The following NUP188 variants were observed in gnomAD, a reference collection of about 807,000 sequenced individuals.
The protein encoded by NUP188 is nucleoporin 188.
Under a neutral mutation model 223.0 loss-of-function variants are expected in NUP188, and 97 were observed. The ratio of observed to expected loss-of-function variants is 0.43; its 90% CI spans 0.37 to 0.51. The LOEUF (loss-of-function observed/expected upper bound fraction) is 0.51, where lower values mean the gene tolerates loss of function less well. NUP188 is among the 20% of genes least tolerant of loss of function. NUP188 has a pLI of 0.00. For synonymous variants in NUP188, 869 were observed against 828.0 expected (o/e 1.05, Z -0.85); for missense variants, 1,947 against 2,175.6 (o/e 0.89, Z 2.09).
chr9:128,996,205 A>T (rs1191153295), intron 30 of NUP188, among the ~76,000 whole-genome samples: 1 of 150,348 alleles, frequency 6.7e-6, no homozygotes, highest in African/African-American at 2.5e-5. Flanking sequence ...GCTGGAATGC[A>T]GTGGTGCGAT....
intron 12 of NUP188, among the ~76,000 whole-genome samples, chr9:128,974,774 T>TC (rs1482714791): frequency 4.3e-5 from 5 of 116,218 alleles, no homozygotes; most frequent in East Asian, 3.4e-4. Flanking sequence ...ACATTGTCTC[T>TC]TTTTTTTTTT....
chr9:129,005,967 A>C, intron 41 of NUP188, 83 bp from the exon 42 acceptor site: 1 of 1,484,522 alleles, frequency 6.7e-7, no homozygotes, highest in Non-Finnish European at 9.3e-7. Context: ...AAATTTGCTT[A>C]GTGCAGGACA....
intron 12 of NUP188, 93 bp downstream of exon 12, chr9:128,973,342 C>T (rs976626991): frequency 8.8e-6 from 7 of 797,588 alleles, no homozygotes; most frequent in Middle Eastern, 3.4e-4. Flanking sequence ...TATTATTTAC[C>T]TCATGTGTTA....
rs751518271 is a variant in NUP188 at position 128,956,994 on chromosome 9, C to T, written c.289C>T (p.Leu97=). The T allele has an allele frequency of 2.5e-5, 40 of 1,613,150 alleles. No individual in the cohort carries two copies. Among genetic ancestry groups the T allele is most frequent in the Middle Eastern group, 1.6e-4 (1 of 6,082 alleles). Residue 97 remains leucine, a synonymous_variant, in exon 5 of 44, where the codon CTG becomes TTG. Transcript: ENST00000372577. ...EQSVQLLQCY[L]QEDYRGTRDS... The stretch of plus-strand genomic sequence containing the variant: ...GAGTGTGCAGTTACTCCAGTGTTAC[C>T]TGCAAGAGGACTACAGGGGTACTCG...
intron 10 of NUP188, 117 bp from the exon 11 acceptor site, chr9:128,970,639 CAG>C (rs1842092016): frequency 1.3e-6 from 1 of 757,794 alleles, no homozygotes; most frequent in Admixed American, 2.2e-5. Flanking sequence ...AGTGAAATAT[CAG>C]AATGAGAGAG....
At position 129,003,047 on chromosome 9, in the gene NUP188, G is replaced by A. The variant is rs1842702399; in HGVS notation, c.4296+72G>A. 1.9e-6 allele frequency: 3 copies of A among 1,538,742 alleles called. No individual in the cohort carries two copies. In the East Asian group the frequency reaches 6.8e-5, roughly 35 times the overall value. On this transcript the variant is annotated intron_variant, in intron 37 of 43. Coordinates refer to ENST00000372577, the MANE Select transcript of NUP188 (RefSeq NM_015354.3). ...AGGTACTGGGCCATTCATGGGGCAG[G>A]TGGGTGTGGAGCCTGGGCCTCAGTA...
intron 2 of NUP188, among the ~76,000 whole-genome samples, chr9:128,952,139 C>T (rs922095828): frequency 2.0e-5 from 3 of 152,126 alleles, no homozygotes; most frequent in Non-Finnish European, 4.4e-5. Context: ...CGCAGTGGCT[C>T]ACACCTGTAA....
At chr9:128,973,054 C>T (rs1161481800) in intron 11 of NUP188, 106 bp from the exon 12 acceptor site, 1 of 505,098 alleles carries the variant, frequency 2.0e-6, no homozygotes, top group Non-Finnish European at 3.3e-6. Context: ...CTTCAGATTT[C>T]CTTCCCATTT....
chr9:128,975,379 A>G (rs1254930599), intron 12 of NUP188, among the ~76,000 whole-genome samples: 40 of 151,206 alleles, frequency 2.6e-4, no homozygotes. Context: ...GCCTGCCACC[A>G]TGCCTGGCTT....
rs550316681 is a variant in NUP188 at position 128,954,418 on chromosome 9, T to C, written c.161+1572T>C. Among the ~76,000 whole-genome samples the C allele has an allele frequency of 3.6e-5, 5 of 137,372 alleles. No homozygotes were observed. The East Asian group carries it at 6.6e-4, about 18-fold the overall frequency. The allele number at this position is 137,372 out of a possible 152,430, so 90.1% of individuals were successfully genotyped here. Reference sequence around the variant, plus strand: ...TTTTTTTTTTGAGATGGAGTCTCGCTCTGTGGCCCAGGCTGGAGTGCAGTG... The same window carrying C: ...TTTTTTTTTTGAGATGGAGTCTCGCCCTGTGGCCCAGGCTGGAGTGCAGTG... On this transcript the variant is annotated intron_variant, in intron 3 of 43. Transcript: ENST00000372577.
Position 128,952,854 on chromosome 9 carries a change from A to G in NUP188, c.161+8A>G, listed in dbSNP as rs777005832. ...TTACTACAAACCTCCCAGGTATGGC[A>G]GTTCCGGGTGTCTGGTTAAAGTAAT... On this transcript the variant is annotated splice_region_variant and intron_variant, in intron 3 of 43. Transcript: ENST00000372577. 6.2e-7 allele frequency: 1 copy of G among 1,609,480 alleles called. No individual in the cohort carries two copies. Among genetic ancestry groups the G allele is most frequent in the Admixed American group, 1.7e-5 (1 of 60,000 alleles).
intron 37 of NUP188, 111 bp from the exon 38 acceptor site, chr9:129,003,206 C>CGCA (rs1223721136): frequency 7.4e-7 from 1 of 1,358,566 alleles, no homozygotes; most frequent in Non-Finnish European, 1.0e-6. Context: ...ATTTCTTTGC[C>CGCA]AACTCAGCAT....
rs889229440 is a variant in NUP188 at position 129,003,326 on chromosome 9, G to A, written c.4306G>A (p.Ala1436Thr). 10 of 1,603,602 alleles carry A rather than the reference G, an allele frequency of 6.2e-6. No individual in the cohort carries two copies. The highest frequency in any genetic ancestry group is 1.3e-5 in the African/African-American group (1 of 74,356). The stretch of plus-strand genomic sequence containing the variant: ...TGTGCTTTCCTCCCAGTGCCTCAAC[G>A]CAGTGAGGACAGTGCAGAGTCTGGC... ...HQERTLQCLN[A>T]VRTVQSLACL... is the part of the protein sequence containing the mutation. The change falls in exon 38 of 44, where the codon GCA becomes ACA. Residue 1436 changes from alanine (A) to threonine (T), a missense_variant. Around this residue, in one of 3 missense-constraint regions of NUP188, gnomAD observed 905 missense variants for 990.6 expected, o/e 0.91. Transcript: ENST00000372577.
chr9:128,991,162 C>CTTTTT (rs78549616), intron 25 of NUP188, among the ~76,000 whole-genome samples: 2 of 123,474 alleles, frequency 1.6e-5, no homozygotes, highest in Non-Finnish European at 3.4e-5. Context: ...CTCCAGATTT[C>CTTTTT]TTTTTTTTTT....
chr9:128,976,814 C>A (rs982984898), intron 12 of NUP188, among the ~76,000 whole-genome samples: 9 of 152,212 alleles, frequency 5.9e-5, no homozygotes, highest in African/African-American at 1.9e-4. Context: ...CTGTGGCCCA[C>A]ACCTGTAATC....
At position 128,980,699 on chromosome 9, in the gene NUP188, G is replaced by T. The variant is rs1564558532; in HGVS notation, c.1363G>T (p.Val455Leu). Residue 455 changes from valine to leucine, a missense_variant, in exon 14 of 44, where the codon GTA becomes TTA. Coordinates refer to ENST00000372577, the MANE Select transcript of NUP188 (RefSeq NM_015354.3). ...ACTCCTGCAACTGCTCCGAGCCCTG[G>T]TATCAGGGAAGTCCACAGCCAAAAA... ...SPLLQLLRAL[V>L]SGKSTAKKVY... 14 of 1,613,928 alleles carry T rather than the reference G, an allele frequency of 8.7e-6. No individual in the cohort carries two copies. Among genetic ancestry groups the T allele is most frequent in the Non-Finnish European group, 1.2e-5 (14 of 1,179,998 alleles).
intron 8 of NUP188, among the ~76,000 whole-genome samples, chr9:128,961,594 A>ATCTATC (rs1564551959): frequency 1.4e-5 from 2 of 138,726 alleles, no homozygotes; most frequent in African/African-American, 6.5e-5. Flanking sequence ...ATCTATCTAG[A>ATCTATC]TAGATAGATA....
At chr9:129,001,090 C>T (rs1842653000) in intron 34 of NUP188, among the ~76,000 whole-genome samples, 1 of 152,058 alleles carries the variant, frequency 6.6e-6, no homozygotes, top group Non-Finnish European at 1.5e-5. Flanking sequence ...GTTGAAAGGC[C>T]ACTGGTACAA....
At chr9:128,976,346 A>G (rs1209239004) in intron 12 of NUP188, among the ~76,000 whole-genome samples, 2 of 152,114 alleles carry the variant, frequency 1.3e-5, no homozygotes, top group Non-Finnish European at 2.9e-5. Context: ...TTATCATTAG[A>G]GAGAAATGAG....
Sources: allele counts gnomAD v4.1 joint callset (sites outside exome capture counted in the v4.1 genomes callset), GRCh38; gene constraint gnomAD v4.1.1; regional missense constraint gnomAD v4.1.1; transcripts MANE v1.5; gene names NCBI Gene and HGNC (gene_info 2026-07-23, HGNC 2026-07-21).